Variants in PITPNA observed in about 807,000 individuals in gnomAD.
The protein encoded by PITPNA is phosphatidylinositol transfer protein alpha.
In PITPNA, 13 loss-of-function variants were observed where a neutral mutation model predicts 50.3. The ratio of observed to expected loss-of-function variants is 0.26; its 90% CI spans 0.17 to 0.41. The LOEUF (loss-of-function observed/expected upper bound fraction) is 0.41. PITPNA is among the 10% of genes least tolerant of loss of function. The probability of loss-of-function intolerance (pLI) is 1.00; values close to 1 mark genes in which losing one functional copy is unlikely to be tolerated. For synonymous variants in PITPNA, 120 were observed against 119.6 expected, an observed-to-expected ratio of 1.00 and a Z score of -0.02; for missense variants, 207 against 333.4, an observed-to-expected ratio of 0.62 and a Z score of 2.95.
chr17:1,548,818 C>G (rs2075692443), intron 3 of PITPNA, among the ~76,000 whole-genome samples: 1 of 152,240 alleles, frequency 6.6e-6, no homozygotes, highest in Non-Finnish European at 1.5e-5. Flanking sequence ...ATTATCTGAT[C>G]TGCTTTCATC....
At chr17:1,521,092 C>T (rs2075508651) in intron 11 of PITPNA, among the ~76,000 whole-genome samples, 1 of 152,248 alleles carries the variant, frequency 6.6e-6, no homozygotes, top group South Asian at 2.1e-4. Context: ...GATGCCACCT[C>T]TGATGAGGGC....
Position 1,553,132 on chromosome 17 carries a change from C to T in PITPNA, c.69G>A (p.Leu23=). 3 of 1,613,976 alleles carry T rather than the reference C, an allele frequency of 1.9e-6. No individual in the cohort carries two copies. The highest frequency in any genetic ancestry group is 1.1e-5 in the South Asian group (1 of 91,090). The change falls in exon 3 of 12, where the codon CTG becomes CTA. Residue 23 remains leucine, a synonymous_variant. Transcript: ENST00000313486. ...TTTTACTGGCCTCAGCCACAGAATA[C>T]AGCTGCCCCACTTGATACTAAAGGA... ...VSVDEYQVGQ[L]YSVAEASKNE...
In PITPNA at chr17:1,562,183, C is replaced by T. The variant is rs2075771785; in HGVS notation, c.20+358G>A. Reference sequence around the variant, plus strand: ...TCGGGTCCACTTGGGCCTCCGAGGCCCCCGGGGCGCCTGAGGAGCCGTCCG... The same window carrying T: ...TCGGGTCCACTTGGGCCTCCGAGGCTCCCGGGGCGCCTGAGGAGCCGTCCG... On this transcript the variant is annotated intron_variant, in intron 1 of 11. Transcript: ENST00000313486. This position sits in a 1 kb window ranked among gnomAD's most constrained non-coding sequence, Gnocchi z 6.4. 6.6e-6 allele frequency among the ~76,000 whole-genome samples: 1 copy of T among 152,152 alleles called. No individual in the cohort carries two copies. The highest frequency in any genetic ancestry group is 2.4e-5 in the African/African-American group (1 of 41,444).
At chr17:1,528,015 C>G (rs1184652174) in intron 10 of PITPNA, among the ~76,000 whole-genome samples, 1 of 152,152 alleles carries the variant, frequency 6.6e-6, no homozygotes, top group Admixed American at 6.6e-5. Flanking sequence ...GATCCTGTCT[C>G]TACAAAAATT....
chr17:1,539,077 A>T, intron 6 of PITPNA, 125 bp from the exon 7 acceptor site: 2 of 624,280 alleles, frequency 3.2e-6, no homozygotes, highest in Non-Finnish European at 5.7e-6. Flanking sequence ...ATGATAAGTA[A>T]TTATACAATT....
chr17:1,530,987 G>A (rs2075578808), intron 10 of PITPNA, among the ~76,000 whole-genome samples: 2 of 151,488 alleles, frequency 1.3e-5, no homozygotes, highest in Admixed American at 6.6e-5. Flanking sequence ...AATGGAGAAC[G>A]GTTAGGAACT....
chr17:1,560,200 GCA>G (rs1297998491), intron 1 of PITPNA, among the ~76,000 whole-genome samples: 3 of 152,204 alleles, frequency 2.0e-5, no homozygotes, highest in Admixed American at 6.5e-5. Flanking sequence ...CGTGACGGCT[GCA>G]CACTCTGACA....
intron 5 of PITPNA, among the ~76,000 whole-genome samples, chr17:1,542,002 C>T (rs992565206): frequency 6.6e-6 from 1 of 152,034 alleles, no homozygotes; most frequent in African/African-American, 2.4e-5. Flanking sequence ...AAGATCGAGA[C>T]CAGTCTGGCC....
intron 1 of PITPNA, 144 bp from the exon 2 acceptor site, chr17:1,558,703 T>C (rs1267940024): frequency 6.3e-6 from 4 of 638,458 alleles, no homozygotes; most frequent in South Asian, 1.7e-5. Context: ...AGAATGGCCC[T>C]TTGAGTGCTC....
intron 10 of PITPNA, among the ~76,000 whole-genome samples, chr17:1,532,686 C>G (rs538297433): frequency 6.6e-6 from 1 of 152,154 alleles, no homozygotes; most frequent in African/African-American, 2.4e-5. Context: ...TTTGTCAGGA[C>G]TAGGGTGACC....
Position 1,534,441 on chromosome 17 carries a change from A to G in PITPNA, c.646-220T>C, listed in dbSNP as rs191690916. 9.9e-5 allele frequency among the ~76,000 whole-genome samples: 15 copies of G among 152,238 alleles called. No individual in the cohort carries two copies. In the East Asian group the frequency reaches 2.9e-3, roughly 29 times the overall value. On this transcript the variant is annotated intron_variant, in intron 9 of 11. Coordinates refer to ENST00000313486, the MANE Select transcript of PITPNA (RefSeq NM_006224.4). ...TTCACATAGGAGGGAGCCCCCAAGA[A>G]AGAAGGATGCCTACCTCACACTAGG... is the stretch of plus-strand genomic sequence containing the variant.
chr17:1,559,884 G>T, intron 1 of PITPNA: 2 of 522,294 alleles, frequency 3.8e-6, no homozygotes, highest in Non-Finnish European at 4.9e-6. Flanking sequence ...TTTACTGAAT[G>T]CTGCCAGTGA....
chr17:1,561,983 G>A (rs1249605361), intron 1 of PITPNA, among the ~76,000 whole-genome samples: 2 of 151,978 alleles, frequency 1.3e-5, no homozygotes, highest in East Asian at 1.9e-4. Flanking sequence ...CCGCCGCGGG[G>A]CCTCTCAGCG....
intron 4 of PITPNA, among the ~76,000 whole-genome samples, chr17:1,548,047 T>C (rs1366273317): frequency 2.6e-5 from 4 of 152,200 alleles, no homozygotes; most frequent in South Asian, 2.1e-4. Context: ...TAAAATGTTA[T>C]AATGAATAAC....
chr17:1,551,586 G>A (rs1422583066), intron 3 of PITPNA, among the ~76,000 whole-genome samples: 1 of 152,146 alleles, frequency 6.6e-6, no homozygotes, highest in African/African-American at 2.4e-5. Context: ...AGCCCCCGAA[G>A]CACCCGGCCA....
intron 1 of PITPNA, among the ~76,000 whole-genome samples, chr17:1,559,986 G>C (rs565393729): frequency 2.6e-5 from 4 of 152,152 alleles, no homozygotes; most frequent in African/African-American, 7.2e-5. Context: ...AAACTTCCTA[G>C]AAAACAATAA....
intron 3 of PITPNA, among the ~76,000 whole-genome samples, chr17:1,549,847 G>T (rs2075699151): frequency 6.6e-6 from 1 of 151,364 alleles, no homozygotes; most frequent in African/African-American, 2.4e-5. Context: ...GCTAATTTTT[G>T]TATTTTTGGT....
intron 3 of PITPNA, among the ~76,000 whole-genome samples, chr17:1,551,785 G>A (rs1184258820): frequency 6.6e-6 from 1 of 152,258 alleles, no homozygotes; most frequent in Non-Finnish European, 1.5e-5. Flanking sequence ...TGCTGGTGAG[G>A]AGACTGAGTG....
At chr17:1,539,572 C>A (rs1419062021) in intron 6 of PITPNA, among the ~76,000 whole-genome samples, 2 of 147,088 alleles carry the variant, frequency 1.4e-5, no homozygotes, top group Admixed American at 1.4e-4. Context: ...CCCGTCTCAG[C>A]CTCCTGAGGA....
Sources: gnomAD v4.1 joint callset for allele counts (sites outside exome capture counted in the v4.1 genomes callset) on GRCh38, gnomAD v4.1.1 for gene constraint, Gnocchi (gnomAD v3.1) non-coding constraint, MANE v1.5 for transcripts, NCBI Gene and HGNC (gene_info 2026-07-23, HGNC 2026-07-21) for gene names.